The following ARAP2 variants were observed in gnomAD, a reference collection of about 807,000 sequenced individuals.
ARAP2 encodes the protein ArfGAP with RhoGAP domain, ankyrin repeat and PH domain 2, also known as arf-GAP with Rho-GAP domain, ANK repeat and PH domain-containing protein 2.
In ARAP2, 148 loss-of-function variants were observed where a neutral mutation model predicts 194.5. That is an observed-to-expected ratio of 0.76 (90% CI 0.67 to 0.87). The LOEUF (loss-of-function observed/expected upper bound fraction) is 0.87, where lower values mean the gene tolerates loss of function less well. Ranked by LOEUF, ARAP2 falls within the 40% of genes least tolerant of loss-of-function variation. ARAP2 has a pLI of 0.00. For missense variants in ARAP2, 2,128 were observed against 1,989.7 expected, an observed-to-expected ratio of 1.07 and a Z score of -1.32; for synonymous variants, 695 against 683.5, an observed-to-expected ratio of 1.02 and a Z score of -0.26.
Position 36,193,640 on chromosome 4 carries a change from T to C in ARAP2, c.1495A>G (p.Met499Val), listed in dbSNP as rs763621749. The change falls in exon 7 of 33, where the codon ATG (methionine) becomes GTG (valine). Residue 499 changes from methionine (M) to valine (V), a missense_variant. Met to Val is a conservative substitution (Grantham distance 21). Coordinates refer to ENST00000303965, the MANE Select transcript of ARAP2 (RefSeq NM_015230.4). The stretch of plus-strand genomic sequence containing the variant: ...AATTTCACCCATCTCTTTTGAAACA[T>C]GCGTTTTCTGCAAAACATATGAAAT... The part of the protein sequence containing the change: ...LDKLSPQGKR[M>V]FQKRWVKFDG... The C allele has an allele frequency of 1.9e-6, 3 of 1,602,244 alleles. No homozygotes were observed. Among genetic ancestry groups the C allele is most frequent in the African/African-American group, 1.3e-5 (1 of 74,752 alleles).
At chr4:36,164,541 G>C (rs1734828598) in intron 11 of ARAP2, among the ~76,000 whole-genome samples, 1 of 152,136 alleles carries the variant, frequency 6.6e-6, no homozygotes. Context: ...CAACACTGAG[G>C]TGAAAAATAT....
At position 36,006,841 on chromosome 4, in the gene ARAP2, T is replaced by C. The variant is rs180695408; in HGVS notation, n.1469+62A>G. The C allele has an allele frequency of 2.5e-3, 387 of 152,262 alleles. 2 individuals carry two copies. Among genetic ancestry groups the C allele is most frequent in the African/African-American group, 9.0e-3 (373 of 41,560 alleles). 9.4% of individuals were successfully genotyped at this position (152,262 alleles called of 1,614,324 possible). A position where few individuals can be genotyped will look rare whatever the true frequency, so the allele number is the denominator to read the frequency against. On this transcript the variant is annotated intron_variant and non_coding_transcript_variant, in intron 10 of 12. Coordinates refer to the ARAP2 transcript ENST00000503225. ...TTAACTGATGGGTTACATATATATGTATAAAATTTTCATTAAAATTGAAAA... is the reference window on the plus strand; with the variant it reads ...TTAACTGATGGGTTACATATATATGCATAAAATTTTCATTAAAATTGAAAA...
chr4:36,215,747 G>A (rs754413646), intron 2 of ARAP2, among the ~76,000 whole-genome samples: 1 of 152,140 alleles, frequency 6.6e-6, no homozygotes, highest in African/African-American at 2.4e-5. Context: ...AACTCAGGGG[G>A]CTGAGGTGGG....
rs1410767195 is a variant in ARAP2, at chr4:36,174,561, T to C, written c.1857+3266A>G. On this transcript the variant is annotated intron_variant, in intron 9 of 32. Transcript: ENST00000303965. ...AAGAAGAAAACTGAGAGCAGTGTTTTACAATGTGTGTTTTTGGCTCATCCA... is the reference window on the plus strand; with the variant it reads ...AAGAAGAAAACTGAGAGCAGTGTTTCACAATGTGTGTTTTTGGCTCATCCA... 2.0e-5 allele frequency among the ~76,000 whole-genome samples: 3 copies of C among 152,218 alleles called. No individual in the cohort carries two copies. The East Asian group carries it at 5.8e-4, about 29-fold the overall frequency.
chr4:36,161,820 A>C (rs955010845), intron 11 of ARAP2, among the ~76,000 whole-genome samples: 5 of 113,682 alleles, frequency 4.4e-5, no homozygotes, highest in Non-Finnish European at 9.3e-5. Flanking sequence ...AAAAAAAAAA[A>C]CTACACGGCC....
rs139632828 is a variant in ARAP2, at chr4:36,151,279, T to C, written c.2753-235A>G. On this transcript the variant is annotated intron_variant, in intron 15 of 32. Transcript: ENST00000303965. ...GTACAAAACAAAAATGACTGTGACA[T>C]TGATAACCAGAGAAGGCAGAGCTGT... 6.2e-4 allele frequency among the ~76,000 whole-genome samples: 95 copies of C among 152,238 alleles called. 1 individual carries two copies. In the East Asian group the frequency reaches 0.016, roughly 26 times the overall value.
rs764794688 is a variant in ARAP2 at position 36,193,562 on chromosome 4, T to C, written c.1557+16A>G. ...GCATAAAAAAGCAATTTTTGAAAAC[T>C]GTAAAATGTATTTACCTTCTCATTA... On this transcript the variant is annotated intron_variant, in intron 7 of 32. Coordinates refer to ENST00000303965, the MANE Select transcript of ARAP2 (RefSeq NM_015230.4). The C allele has an allele frequency of 1.9e-6, 3 of 1,550,924 alleles. No individual in the cohort carries two copies. Among genetic ancestry groups the C allele is most frequent in the South Asian group, 1.3e-5 (1 of 77,354 alleles).
chr4:36,160,221 T>C (rs990732470), intron 13 of ARAP2: 11 of 1,105,696 alleles, frequency 9.9e-6, no homozygotes, highest in Middle Eastern at 7.9e-4. Flanking sequence ...AATCCTCAGA[T>C]TGTGGCAACA....
chr4:36,019,743 G>A (rs1560274690), intron 5 of ARAP2, among the ~76,000 whole-genome samples: 2 of 152,074 alleles, frequency 1.3e-5, no homozygotes, highest in South Asian at 4.2e-4. Context: ...GAGTGTGAAG[G>A]TAGGAGTGGT....
chr4:36,110,948 A>G (rs1217032550), intron 26 of ARAP2, among the ~76,000 whole-genome samples: 1 of 151,940 alleles, frequency 6.6e-6, no homozygotes, highest in Non-Finnish European at 1.5e-5. Flanking sequence ...CATGCTAATA[A>G]TGCATATGTT....
chr4:36,214,579 G>T, intron 2 of ARAP2, 99 bp from the exon 3 acceptor site: 1 of 734,020 alleles, frequency 1.4e-6, no homozygotes, highest in South Asian at 2.8e-5. Flanking sequence ...AAATATTTAT[G>T]ATTTATATTT....
At chr4:36,136,922 ACG>A (rs964321133) in intron 19 of ARAP2, among the ~76,000 whole-genome samples, 179 of 29,144 alleles carry the variant, frequency 6.1e-3, no homozygotes, top group African/African-American at 0.026. Flanking sequence ...ACACACATAC[ACG>A]CGCGCGCGCA....
chr4:36,014,696 G>A (rs967403331), intron 8 of ARAP2, among the ~76,000 whole-genome samples: 8 of 152,118 alleles, frequency 5.3e-5, no homozygotes, highest in African/African-American at 1.9e-4. Context: ...CTGAATGTTT[G>A]TGTTTCCCCA....
chr4:36,209,418 A>G, intron 6 of ARAP2: 1 of 452,420 alleles, frequency 2.2e-6, no homozygotes, highest in Middle Eastern at 3.3e-4. Context: ...AAATTTCCTA[A>G]AAGAATGAAA....
intron 9 of ARAP2, among the ~76,000 whole-genome samples, chr4:36,171,004 T>C (rs927211288): frequency 1.3e-5 from 2 of 152,090 alleles, no homozygotes; most frequent in African/African-American, 4.8e-5. Context: ...GAGAGTTGTG[T>C]TCCTAACAGG....
At chr4:36,179,312 T>C (rs1211604533) in intron 8 of ARAP2, among the ~76,000 whole-genome samples, 5 of 152,290 alleles carry the variant, frequency 3.3e-5, no homozygotes, top group Admixed American at 3.3e-4. Flanking sequence ...TGTATACATA[T>C]GATGGGTGTT....
intron 27 of ARAP2, among the ~76,000 whole-genome samples, chr4:36,107,319 C>A (rs1035299298): frequency 5.3e-5 from 8 of 151,932 alleles, no homozygotes; most frequent in Non-Finnish European, 1.2e-4. Flanking sequence ...CCTTTAAAAA[C>A]AAACTATTAT....
At chr4:36,155,020 C>A (rs532343559) in intron 15 of ARAP2, among the ~76,000 whole-genome samples, 1 of 152,194 alleles carries the variant, frequency 6.6e-6, no homozygotes, top group Non-Finnish European at 1.5e-5. Context: ...GGGCTTTCTG[C>A]ACAAGATATG....
intron 4 of ARAP2, 85 bp from the exon 5 acceptor site, chr4:36,212,572 C>A: frequency 1.2e-6 from 1 of 808,272 alleles, no homozygotes; most frequent in South Asian, 1.8e-5. Flanking sequence ...CAATATTCTA[C>A]AAAAATCCAT....
Sources: gnomAD v4.1 joint callset for allele counts (sites outside exome capture counted in the v4.1 genomes callset) on GRCh38, gnomAD v4.1.1 for gene constraint, MANE v1.5 for transcripts, NCBI Gene and HGNC (gene_info 2026-07-23, HGNC 2026-07-21) for gene names.